The following SPMIP3 variants were observed in gnomAD, a reference collection of about 807,000 sequenced individuals.
SPMIP3 encodes protein SPMIP3.
At chr1:244,389,606 A>C in the SPMIP3 span, 1 of 152,282 alleles carries the variant, frequency 6.6e-6, no homozygotes, top group South Asian at 2.1e-4. Context: ...TCAGCTCCTC[A>C]GGCAGAAAGC....
the SPMIP3 span, chr1:244,389,137 C>T: frequency 3.5e-6 from 4 of 1,149,274 alleles, no homozygotes; most frequent in East Asian, 4.7e-5. Flanking sequence ...TTAATGGCAG[C>T]AGAACTACTT....
At chr1:244,385,508 C>T in the SPMIP3 span, among the ~76,000 whole-genome samples, 2 of 152,160 alleles carry the variant, frequency 1.3e-5, no homozygotes, top group African/African-American at 4.8e-5. Context: ...TTGTATTACT[C>T]ACCCTGGTGC....
chr1:244,355,730 C>T, the SPMIP3 span, among the ~76,000 whole-genome samples: 4 of 152,142 alleles, frequency 2.6e-5, no homozygotes, highest in Admixed American at 1.3e-4. Context: ...ACAAAAAGTC[C>T]TGCTGGGATT....
the SPMIP3 span, among the ~76,000 whole-genome samples, chr1:244,357,010 C>T: frequency 1.3e-5 from 2 of 150,304 alleles, no homozygotes; most frequent in African/African-American, 2.5e-5. Context: ...GCAACCTCCA[C>T]CTCCCAGGCT....
the SPMIP3 span, among the ~76,000 whole-genome samples, chr1:244,360,298 G>A: frequency 2.6e-5 from 4 of 152,054 alleles, no homozygotes; most frequent in Non-Finnish European, 5.9e-5. Flanking sequence ...CCACTATGGA[G>A]AACAGTATGA....
the SPMIP3 span, among the ~76,000 whole-genome samples, chr1:244,367,821 A>T: frequency 1.3e-5 from 2 of 152,186 alleles, no homozygotes; most frequent in Non-Finnish European, 2.9e-5. Flanking sequence ...AACAAAACAG[A>T]TCTCAAACAC....
chr1:244,361,789 C>G, the SPMIP3 span, among the ~76,000 whole-genome samples: 1 of 152,182 alleles, frequency 6.6e-6, no homozygotes, highest in Non-Finnish European at 1.5e-5. Flanking sequence ...TTCAGAATTT[C>G]TAGGCACTGA....
At chr1:244,377,427 T>C in the SPMIP3 span, among the ~76,000 whole-genome samples, 1 of 152,154 alleles carries the variant, frequency 6.6e-6, no homozygotes, top group Non-Finnish European at 1.5e-5. Context: ...GGCCACAGCA[T>C]CACTTTTAAT....
the SPMIP3 span, chr1:244,375,006 GC>G: frequency 6.5e-6 from 1 of 155,018 alleles, no homozygotes; most frequent in Admixed American, 6.5e-5. Flanking sequence ...CCAGAAATAG[GC>G]TTGCCCACCC....
chr1:244,368,643 T>C, the SPMIP3 span, among the ~76,000 whole-genome samples: 1 of 152,218 alleles, frequency 6.6e-6, no homozygotes, highest in African/African-American at 2.4e-5. Context: ...TTGAAATGAA[T>C]GAGTGAGCAA....
At chr1:244,373,322 CA>C in the SPMIP3 span, among the ~76,000 whole-genome samples, 38 of 48,792 alleles carry the variant, frequency 7.8e-4, 3 homozygotes, top group Admixed American at 4.0e-3. Flanking sequence ...AGTGAAACTA[CA>C]AAAAAAAATT....
chr1:244,386,073 A>G, the SPMIP3 span, among the ~76,000 whole-genome samples: 9 of 152,120 alleles, frequency 5.9e-5, no homozygotes, highest in East Asian at 3.9e-4. Context: ...GCTACTCAGG[A>G]AGCTGAGGCA....
chr1:244,354,912 T>C, the SPMIP3 span, among the ~76,000 whole-genome samples: 1 of 152,226 alleles, frequency 6.6e-6, no homozygotes, highest in African/African-American at 2.4e-5. Context: ...TAGCAGTGAC[T>C]GTGCTTTAAT....
chr1:244,355,002 A>G, the SPMIP3 span, among the ~76,000 whole-genome samples: 3 of 152,312 alleles, frequency 2.0e-5, no homozygotes, highest in East Asian at 5.8e-4. Flanking sequence ...TGGCGGCGAA[A>G]TCACGTGTCT....
the SPMIP3 span, chr1:244,388,885 G>C: frequency 8.0e-7 from 1 of 1,253,982 alleles, no homozygotes; most frequent in Non-Finnish European, 1.2e-6. Context: ...CTGCTAAAAG[G>C]ACAGTGTGTT....
chr1:244,357,847 G>A, the SPMIP3 span, among the ~76,000 whole-genome samples: 1 of 152,182 alleles, frequency 6.6e-6, no homozygotes. Flanking sequence ...GGAAGCCGAG[G>A]TGGGAGGATT....
At chr1:244,358,982 T>C in the SPMIP3 span, among the ~76,000 whole-genome samples, 20 of 152,324 alleles carry the variant, frequency 1.3e-4, no homozygotes, top group South Asian at 6.2e-4. Flanking sequence ...GCTGTGACCA[T>C]GAAAGTGATG....
At chr1:244,388,858 T>C in the SPMIP3 span, 1 of 949,894 alleles carries the variant, frequency 1.1e-6, no homozygotes, top group Non-Finnish European at 1.6e-6. Flanking sequence ...CAAAAGTTAT[T>C]TTGTTACTGT....
the SPMIP3 span, among the ~76,000 whole-genome samples, chr1:244,387,950 G>A: frequency 1.3e-5 from 2 of 150,472 alleles, no homozygotes; most frequent in African/African-American, 2.4e-5. Flanking sequence ...TTTTTGAGAC[G>A]AAGTTTCACT....
Sources: gnomAD v4.1 joint callset for allele counts (sites outside exome capture counted in the v4.1 genomes callset) on GRCh38, gnomAD v4.1.1 for gene constraint, MANE v1.5 for transcripts, NCBI Gene and HGNC (gene_info 2026-07-23, HGNC 2026-07-21) for gene names.